HECTD4: variants seen among roughly 807,000 people sequenced by gnomAD.
HECTD4 encodes the protein HECT domain E3 ubiquitin protein ligase 4, also known as probable E3 ubiquitin-protein ligase HECTD4.
HECTD4 carries 114 observed loss-of-function variants against 471.5 expected under a neutral mutation model. The observed-to-expected ratio is 0.24, with a 90% CI of 0.21 to 0.28. The LOEUF is 0.28. Among genes scored for constraint, HECTD4 ranks in the 10% least tolerant of loss-of-function variants. The pLI is 1.00. For missense variants in HECTD4, 3,866 were observed against 5,651.5 expected (o/e 0.68, Z 10.13); for synonymous variants, 2,012 against 2,256.0 (o/e 0.89, Z 3.07).
chr12:112,245,352 TA>T (rs1402593539), intron 29 of HECTD4, among the ~76,000 whole-genome samples: 1 of 152,298 alleles, frequency 6.6e-6, no homozygotes, highest in African/African-American at 2.4e-5. Context: ...AGCTTAAATA[TA>T]AAAAAATTAT....
intron 1 of HECTD4, among the ~76,000 whole-genome samples, chr12:112,375,486 T>C (rs1221000914): frequency 6.6e-6 from 1 of 152,134 alleles, no homozygotes; most frequent in Non-Finnish European, 1.5e-5. Context: ...GAGTAAGAAA[T>C]ATCTTAGCCA....
chr12:112,306,368 T>C, intron 6 of HECTD4, 134 bp from the exon 7 acceptor site: 3 of 693,896 alleles, frequency 4.3e-6, no homozygotes, highest in Non-Finnish European at 6.2e-6. Context: ...AATGGATATT[T>C]ATCTCTAATA....
rs765703821 is a variant in HECTD4, at chr12:112,283,286, A to T, written c.1352T>A (p.Phe451Tyr). The stretch of plus-strand genomic sequence containing the variant: ...ACGTTCCTGAAGTGGGTTGGCTACA[A>T]ATACACCATTTTCAACCTAACATAG... ...IFELVVENGV[F>Y]VANPLQERTI... Residue 451 changes from phenylalanine (F) to tyrosine (Y), a missense_variant, in exon 8 of 76, where the codon TTT becomes TAT. Coordinates refer to ENST00000682272, the MANE Select transcript of HECTD4 (RefSeq NM_001388303.1). 50 of 1,612,244 alleles carry T rather than the reference A, an allele frequency of 3.1e-5. No homozygotes were observed. In the South Asian group the frequency reaches 4.3e-4, roughly 14 times the overall value.
chr12:112,243,701 A>C lies in HECTD4; in HGVS notation c.4710T>G (p.Ile1570Met), dbSNP rs1321079196. 1 of 1,613,872 alleles carries C rather than the reference A, an allele frequency of 6.2e-7. No individual in the cohort carries two copies. The highest frequency in any genetic ancestry group is 8.5e-7 in the Non-Finnish European group (1 of 1,179,802). The change falls in exon 31 of 76, where the codon ATT (isoleucine) becomes ATG (methionine). Residue 1570 changes from isoleucine (I) to methionine (M), a missense_variant. Ile to Met is a conservative substitution (Grantham distance 10). This residue lies in a region of HECTD4 where 229 missense variants were observed against 386.4 expected (regional missense o/e 0.59). Coordinates refer to ENST00000682272, the MANE Select transcript of HECTD4 (RefSeq NM_001388303.1). The surrounding 1 kb of genome is among the most constrained non-coding windows in gnomAD (Gnocchi z 6.6). ...SSFTLLQSLA[I>M]EDSRDKPTYS... ...AGGTGGGCTTGTCCCTGCTGTCCTC[A>C]ATGGCCAGCGACTGCAGGAGTGTAA...
intron 1 of HECTD4, among the ~76,000 whole-genome samples, chr12:112,349,381 C>G (rs1312417227): frequency 2.8e-5 from 3 of 107,008 alleles, no homozygotes; most frequent in Non-Finnish European, 5.1e-5. Flanking sequence ...GAGCAAGACT[C>G]TTGCTCCAAA....
In HECTD4 at chr12:112,330,805, C is replaced by A. The variant is rs536963757; in HGVS notation, c.178-11063G>T. 4.7e-4 allele frequency among the ~76,000 whole-genome samples: 71 copies of A among 152,306 alleles called. No homozygotes were observed. In the South Asian group the frequency reaches 7.1e-3, roughly 15 times the overall value. The stretch of plus-strand genomic sequence containing the variant: ...TCTGAGTAATCCTCTCCCACTTGGA[C>A]TAATTTTACTTTTGCCTTCTGGAAT... On this transcript the variant is annotated intron_variant, in intron 1 of 75. Coordinates refer to ENST00000682272, the MANE Select transcript of HECTD4 (RefSeq NM_001388303.1).
chr12:112,167,217 C>A, intron 72 of HECTD4, 100 bp downstream of exon 72: 1 of 1,097,110 alleles, frequency 9.1e-7, no homozygotes, highest in Non-Finnish European at 1.3e-6. Context: ...GGGATCCCAA[C>A]CCAGCCTCAG....
At chr12:112,369,275 A>G (rs561291092) in intron 1 of HECTD4, among the ~76,000 whole-genome samples, 8 of 152,024 alleles carry the variant, frequency 5.3e-5, no homozygotes, top group Admixed American at 3.9e-4. Flanking sequence ...TAGGTACCCA[A>G]TTACATCCAT....
intron 1 of HECTD4, among the ~76,000 whole-genome samples, chr12:112,361,142 C>G (rs945594409): frequency 6.6e-6 from 1 of 152,156 alleles, no homozygotes; most frequent in African/African-American, 2.4e-5. Context: ...CCAACAAAAA[C>G]TTGAGGGACC....
chr12:112,254,850 C>T (rs1420456799), intron 21 of HECTD4, among the ~76,000 whole-genome samples: 3 of 152,266 alleles, frequency 2.0e-5, no homozygotes, highest in East Asian at 1.9e-4. Context: ...ACATTTATAG[C>T]TCATTTGGCA....
rs754462770 is a variant in HECTD4, at chr12:112,217,014, T to C, written c.7236+20A>G. The C allele has an allele frequency of 1.9e-5, 30 of 1,592,208 alleles. No individual in the cohort carries two copies. The highest frequency in any genetic ancestry group is 1.7e-4 in the Middle Eastern group (1 of 5,980). ...TCAAATCTGAAGATGCAAAAGACAG[T>C]GTGTCATGTGATGTCTCACCTGAAC... On this transcript the variant is annotated intron_variant, in intron 46 of 75. Coordinates refer to ENST00000682272, the MANE Select transcript of HECTD4 (RefSeq NM_001388303.1).
At chr12:112,264,268 T>C (rs1339576663) in intron 16 of HECTD4, 56 bp from the exon 17 acceptor site, 1 of 1,363,998 alleles carries the variant, frequency 7.3e-7, no homozygotes, top group African/African-American at 1.5e-5. Context: ...AGAGCGATCA[T>C]GTAATCCTCA....
In HECTD4 at chr12:112,179,914, C is replaced by T. The variant is rs972131670; in HGVS notation, c.10988-517G>A. On this transcript the variant is annotated intron_variant, in intron 62 of 75. Coordinates refer to ENST00000682272, the MANE Select transcript of HECTD4 (RefSeq NM_001388303.1). This position sits in a 1 kb window ranked among gnomAD's most constrained non-coding sequence, Gnocchi z 4.3. ...CATAGGAAATATTCTTCAAAACTGGCGCAATGAGCAGGTGAAAAAGAGTTT... is the reference window on the plus strand; with the variant it reads ...CATAGGAAATATTCTTCAAAACTGGTGCAATGAGCAGGTGAAAAAGAGTTT... 2.6e-5 allele frequency among the ~76,000 whole-genome samples: 4 copies of T among 152,116 alleles called. No homozygotes were observed. Among genetic ancestry groups the T allele is most frequent in the Admixed American group, 1.3e-4 (2 of 15,280 alleles).
At chr12:112,371,387 C>T (rs1200634768) in intron 1 of HECTD4, among the ~76,000 whole-genome samples, 2 of 151,922 alleles carry the variant, frequency 1.3e-5, no homozygotes, top group East Asian at 1.9e-4. Flanking sequence ...AGCAGCCTGA[C>T]CAACGTAGTG....
Position 112,190,928 on chromosome 12 carries a change from A to G in HECTD4, c.9330T>C (p.His3110=). The change falls in exon 60 of 76, where the codon CAT becomes CAC. Residue 3110 remains histidine (H), a synonymous_variant. Coordinates refer to ENST00000682272, the MANE Select transcript of HECTD4 (RefSeq NM_001388303.1). The part of the protein sequence containing the change: ...SPPPGAVLVL[H]SLPLEFPLAM... ...CCAGTGGGAACTCCAGGGGCAGGGA[A>G]TGTAACACCAGGACTGCTCCAGGAG... 6.4e-7 allele frequency: 1 copy of G among 1,568,320 alleles called. No individual in the cohort carries two copies. Among genetic ancestry groups the G allele is most frequent in the African/African-American group, 1.4e-5 (1 of 73,820 alleles).
rs1296700390 is a variant in HECTD4 at position 112,170,406 on chromosome 12, C to T, written c.11979G>A (p.Leu3993=). The T allele has an allele frequency of 3.1e-6, 5 of 1,613,876 alleles. No individual in the cohort carries two copies. The highest frequency in any genetic ancestry group is 8.5e-7 in the Non-Finnish European group (1 of 1,179,904). The change falls in exon 69 of 76, where the codon CTG becomes CTA. Residue 3993 remains leucine, a synonymous_variant. Transcript: ENST00000682272. The stretch of plus-strand genomic sequence containing the variant: ...CCGCTGTCCTCTGCACAGTGGCATT[C>T]AGCACTCGATTCATCACGGTCACCT... The part of the protein sequence containing the change: ...DTKVTVMNRV[L]NATVQRTADH...
At position 112,373,991 on chromosome 12, in the gene HECTD4, G is replaced by A. The variant is rs530461474; in HGVS notation, c.177+7961C>T. Among the ~76,000 whole-genome samples the A allele has an allele frequency of 8.3e-5, 12 of 144,092 alleles. No individual in the cohort carries two copies. The South Asian group carries it at 1.3e-3, about 16-fold the overall frequency. The allele number at this position is 144,092 out of a possible 152,430, so 94.5% of individuals were successfully genotyped here. ...TGCGCTCCAGCCTAGGTGACAGAAC[G>A]AGACTCTGTCTCAAAAAAAAAAAAA... On this transcript the variant is annotated intron_variant, in intron 1 of 75. Coordinates refer to ENST00000682272, the MANE Select transcript of HECTD4 (RefSeq NM_001388303.1).
chr12:112,324,010 C>T (rs1340678485), intron 1 of HECTD4, among the ~76,000 whole-genome samples: 1 of 44,554 alleles, frequency 2.2e-5, no homozygotes, highest in African/African-American at 2.6e-4. Context: ...TCCTTCCTTC[C>T]TTCCTTCCTT....
intron 1 of HECTD4, among the ~76,000 whole-genome samples, chr12:112,374,084 C>G (rs1304165832): frequency 6.6e-6 from 1 of 151,418 alleles, no homozygotes; most frequent in African/African-American, 2.4e-5. Context: ...CACCTGTATT[C>G]CCAGCACTTT....
Sources: gnomAD v4.1 joint callset for allele counts (sites outside exome capture counted in the v4.1 genomes callset) on GRCh38, gnomAD v4.1.1 for gene constraint, gnomAD v4.1.1 regional missense constraint, Gnocchi (gnomAD v3.1) non-coding constraint, MANE v1.5 for transcripts, NCBI Gene and HGNC (gene_info 2026-07-23, HGNC 2026-07-21) for gene names.